Variants in SLC39A6 observed in about 807,000 individuals in gnomAD.
SLC39A6 encodes the protein zinc transporter ZIP6.
A neutral mutation model predicts 63.5 loss-of-function variants in SLC39A6; 51 were observed. The observed-to-expected ratio is 0.80, with a 90% CI of 0.64 to 1.01. The LOEUF is 1.01. Ranked by LOEUF, SLC39A6 falls within the 50% of genes least tolerant of loss-of-function variation. SLC39A6 has a pLI of 0.00. For missense variants in SLC39A6, 805 were observed against 927.8 expected (o/e 0.87, Z 1.72); for synonymous variants, 318 against 324.7 (o/e 0.98, Z 0.22).
chr18:36,111,350 T>C (rs1540043), intron 8 of SLC39A6, 101 bp from the exon 9 acceptor site: 1 of 1,210,656 alleles, frequency 8.3e-7, no homozygotes, highest in Non-Finnish European at 1.1e-6. Flanking sequence ...TCCAGTGTTT[T>C]TGAGAGGGGG....
At chr18:36,110,588 G>A (rs569540519) in intron 9 of SLC39A6, among the ~76,000 whole-genome samples, 1 of 152,006 alleles carries the variant, frequency 6.6e-6, no homozygotes, top group African/African-American at 2.4e-5. Flanking sequence ...GTCCAGGCTG[G>A]AGTGCAGTAG....
rs375805200 is a variant in SLC39A6, at chr18:36,126,798, C to T, written c.210G>A (p.Leu70=). 1.1e-5 allele frequency: 18 copies of T among 1,614,082 alleles called. No homozygotes were observed. The African/African-American group carries it at 2.4e-4, about 22-fold the overall frequency. The change falls in exon 2 of 10, where the codon TTG becomes TTA. Residue 70 remains leucine (L), a synonymous_variant. Coordinates refer to ENST00000269187, the MANE Select transcript of SLC39A6 (RefSeq NM_012319.4). ...LFYRYGENNS[L]SVEGFRKLLQ... is the part of the protein sequence containing the mutation. ...GTAATTTTCTGAACCCTTCAACTGA[C>T]AAAGAATTATTTTCTCCATAGCGGT...
At chr18:36,120,866 T>G (rs1266069305) in intron 5 of SLC39A6, among the ~76,000 whole-genome samples, 1 of 152,178 alleles carries the variant, frequency 6.6e-6, no homozygotes, top group Non-Finnish European at 1.5e-5. Context: ...AAAAAAGATA[T>G]CAAATTACGT....
intron 1 of SLC39A6, among the ~76,000 whole-genome samples, chr18:36,128,707 T>G (rs1386458112): frequency 1.3e-5 from 2 of 152,194 alleles, no homozygotes; most frequent in Non-Finnish European, 2.9e-5. Context: ...AAGGATCTCC[T>G]TTCCTGCAAG....
At chr18:36,115,285 CA>C (rs1432719505) in intron 6 of SLC39A6, among the ~76,000 whole-genome samples, 1 of 151,246 alleles carries the variant, frequency 6.6e-6, no homozygotes, top group Non-Finnish European at 1.5e-5. Flanking sequence ...ACTAAAAATA[CA>C]AAAAAAATAG....
In SLC39A6 at chr18:36,109,064, T is replaced by C. The variant is rs932071035; in HGVS notation, c.*529A>G. The C allele has an allele frequency of 2.0e-5, 3 of 152,250 alleles. No homozygotes were observed. Among genetic ancestry groups the C allele is most frequent in the Admixed American group, 6.5e-5 (1 of 15,280 alleles). The allele number at this position is 152,250 out of a possible 1,614,324, so 9.4% of individuals were successfully genotyped here. A position where few individuals can be genotyped will look rare whatever the true frequency, so the allele number is the denominator to read the frequency against. Reference sequence around the variant, plus strand: ...GTACTCTATACTAATTCTGCCTTTTTATACTTAATTCTAAATTTCTCCCCT... The same window carrying C: ...GTACTCTATACTAATTCTGCCTTTTCATACTTAATTCTAAATTTCTCCCCT... On this transcript the variant is annotated 3_prime_UTR_variant, in exon 10 of 10. Transcript: ENST00000269187.
rs758565232 is a variant in SLC39A6, at chr18:36,126,999, C to T, written c.9G>A (p.Arg3=). 1.2e-6 allele frequency: 2 copies of T among 1,607,132 alleles called. No individual in the cohort carries two copies. Among genetic ancestry groups the T allele is most frequent in the East Asian group, 2.2e-5 (1 of 44,768 alleles). The part of the protein sequence containing the change: MA[R]KLSVILILTF... The stretch of plus-strand genomic sequence containing the variant: ...TCAGGATCAAGATTACAGATAACTT[C>T]CTCGCCATTGCGCCTTCCTAGAAAA... The change falls in exon 2 of 10, where the codon AGG becomes AGA. Residue 3 remains arginine (R), a synonymous_variant. Transcript: ENST00000269187.
intron 5 of SLC39A6, among the ~76,000 whole-genome samples, chr18:36,121,626 T>C (rs3110564): frequency 0.3 from 45,614 of 152,130 alleles, 7,253 homozygotes; most frequent in Middle Eastern, 0.46. Context: ...AAAGGGCAAG[T>C]CTGTAAAAGT....
In SLC39A6 at chr18:36,124,640, C is replaced by T. The variant is rs1368280393; in HGVS notation, c.850G>A (p.Ala284Thr). Residue 284 changes from alanine (A) to threonine (T), a missense_variant, in exon 3 of 10, where the codon GCA (alanine) becomes ACA (threonine). By Grantham distance (58) the Ala-to-Thr change is moderately conservative. Around this residue, in one of 4 missense-constraint regions of SLC39A6, gnomAD observed 639 missense variants for 644.0 expected, o/e 0.99. Transcript: ENST00000269187. ...HGMGIQVPLN[A>T]TEFNYLCPAI... ...GGACAGAGATAGTTGAACTCTGTTG[C>T]ATTCAGCGGAACCTGGATGCCCATG... The T allele has an allele frequency of 1.3e-6, 2 of 1,587,602 alleles. No homozygotes were observed. The highest frequency in any genetic ancestry group is 8.6e-7 in the Non-Finnish European group (1 of 1,158,772).
At chr18:36,119,711 T>C (rs547568185) in intron 5 of SLC39A6, among the ~76,000 whole-genome samples, 18 of 152,190 alleles carry the variant, frequency 1.2e-4, no homozygotes, top group Non-Finnish European at 2.1e-4. Context: ...TAAAGAGGGC[T>C]AAGTTAAAGA....
intron 4 of SLC39A6, 37 bp from the exon 5 acceptor site, chr18:36,122,307 A>G: frequency 6.6e-7 from 1 of 1,513,636 alleles, no homozygotes; most frequent in Non-Finnish European, 9.1e-7. Flanking sequence ...TAAATTCATC[A>G]GTTTCACACA....
At chr18:36,121,317 T>A (rs2089392208) in intron 5 of SLC39A6, among the ~76,000 whole-genome samples, 1 of 152,156 alleles carries the variant, frequency 6.6e-6, no homozygotes, top group Non-Finnish European at 1.5e-5. Context: ...CCATCTCACC[T>A]GATTAATTTT....
At position 36,116,691 on chromosome 18, in the gene SLC39A6, T is replaced by C; in HGVS notation, c.1448A>G (p.Lys483Arg). The change falls in exon 6 of 10, where the codon AAA (lysine) becomes AGA (arginine). Residue 483 changes from lysine to arginine, a missense_variant. By Grantham distance (26) the Lys-to-Arg change is conservative (BLOSUM62 2). Transcript: ENST00000269187. ...GAACTTACGATCATCTGTATCTACT[T>C]TCTCCTCATTTGTTGAAAGTTGAGA... is the stretch of plus-strand genomic sequence containing the variant. ...YESQLSTNEE[K>R]VDTDDRTEGY... 6.2e-7 allele frequency: 1 copy of C among 1,610,148 alleles called. No individual in the cohort carries two copies. Among genetic ancestry groups the C allele is most frequent in the Non-Finnish European group, 8.5e-7 (1 of 1,176,628 alleles).
chr18:36,123,433 C>A, intron 4 of SLC39A6, 62 bp downstream of exon 4: 2 of 1,441,052 alleles, frequency 1.4e-6, no homozygotes, highest in South Asian at 1.4e-5. Flanking sequence ...TAGCATAAAC[C>A]AAAACATTTT....
intron 1 of SLC39A6, among the ~76,000 whole-genome samples, chr18:36,128,445 A>G (rs1843509584): frequency 6.6e-6 from 1 of 152,130 alleles, no homozygotes; most frequent in African/African-American, 2.4e-5. Context: ...TACTCGTTAA[A>G]CTCATGTGTT....
rs568362898 is a variant in SLC39A6 at position 36,117,880 on chromosome 18, A to C, written c.1360-1101T>G. On this transcript the variant is annotated intron_variant, in intron 5 of 9. Coordinates refer to ENST00000269187, the MANE Select transcript of SLC39A6 (RefSeq NM_012319.4). Reference sequence around the variant, plus strand: ...CCCCGTCTCTACTAAAAATACAAAAAATTAGCCGGGCGTGTTGGCGGGTGC... The same window carrying C: ...CCCCGTCTCTACTAAAAATACAAAACATTAGCCGGGCGTGTTGGCGGGTGC... 2.6e-5 allele frequency among the ~76,000 whole-genome samples: 4 copies of C among 152,142 alleles called. No homozygotes were observed. In the South Asian group the frequency reaches 8.3e-4, roughly 32 times the overall value.
intron 1 of SLC39A6, 62 bp downstream of exon 1, chr18:36,129,052 C>T (rs1012681569): frequency 1.3e-4 from 20 of 152,310 alleles, no homozygotes; most frequent in African/African-American, 4.3e-4. Context: ...TACCCCGCCA[C>T]GCCTGTCTGG....
intron 9 of SLC39A6, 80 bp from the exon 10 acceptor site, chr18:36,109,825 G>A (rs1332387270): frequency 2.7e-6 from 3 of 1,100,882 alleles, no homozygotes; most frequent in African/African-American, 1.6e-5. Context: ...AAATTTATAG[G>A]ACAGTATACT....
Position 36,129,283 on chromosome 18 carries a change from C to CCG in SLC39A6, c.-181_-180dup, listed in dbSNP as rs1302949691. 2 of 159,040 alleles carry CCG rather than the reference C, an allele frequency of 1.3e-5. No homozygotes were observed. Among genetic ancestry groups the CCG allele is most frequent in the Admixed American group, 6.0e-5 (1 of 16,598 alleles). 9.9% of individuals were successfully genotyped at this position (159,040 alleles called of 1,614,324 possible). On this transcript the variant is annotated 5_prime_UTR_variant, in exon 1 of 10. Transcript: ENST00000269187. ...GCTGCCCCTCGGTCCGGGGGCAGCGCCGCGCAGCCACCCGGCAGCCGCGCC... is the reference window on the plus strand; with the variant it reads ...GCTGCCCCTCGGTCCGGGGGCAGCGCCGCGCGCAGCCACCCGGCAGCCGCGCC...
Sources: gnomAD v4.1 joint callset for allele counts (sites outside exome capture counted in the v4.1 genomes callset) on GRCh38, gnomAD v4.1.1 for gene constraint, gnomAD v4.1.1 regional missense constraint, MANE v1.5 for transcripts, NCBI Gene and HGNC (gene_info 2026-07-23, HGNC 2026-07-21) for gene names.